VTI1A: variants seen among roughly 807,000 people sequenced by gnomAD.
The protein encoded by VTI1A is vesicle transport through interaction with t-SNAREs homolog 1A.
A neutral mutation model predicts 34.9 loss-of-function variants in VTI1A; 22 were observed. The ratio of observed to expected loss-of-function variants is 0.63; its 90% confidence interval spans 0.45 to 0.90. VTI1A has a LOEUF of 0.90. Ranked by LOEUF, VTI1A falls within the 40% of genes least tolerant of loss-of-function variation. VTI1A has a pLI of 0.00. For synonymous variants in VTI1A, 87 were observed against 97.3 expected (o/e 0.89, Z 0.62); for missense variants, 268 against 275.6 (o/e 0.97, Z 0.20).
At chr10:112,835,835 G>T in the VTI1A span, among the ~76,000 whole-genome samples, 59 of 152,216 alleles carry the variant, frequency 3.9e-4, no homozygotes, top group African/African-American at 1.4e-3. Flanking sequence ...ATATATTGGG[G>T]TAGGGGGGGC....
the VTI1A span, among the ~76,000 whole-genome samples, chr10:112,850,090 G>GT: frequency 6.6e-5 from 10 of 152,200 alleles, no homozygotes; most frequent in African/African-American, 2.4e-4. Context: ...TTTATAAAGA[G>GT]TTGGGAGGGT....
chr10:112,464,151 A>G (rs540545998), intron 2 of VTI1A, among the ~76,000 whole-genome samples: 1 of 152,296 alleles, frequency 6.6e-6, no homozygotes, highest in South Asian at 2.1e-4. Context: ...GGTGCCCACC[A>G]CCACGCCCAG....
At chr10:112,831,951 C>T in the VTI1A span, 2 of 152,192 alleles carry the variant, frequency 1.3e-5, no homozygotes, top group Admixed American at 1.3e-4. Flanking sequence ...GAGGTTTCGG[C>T]CGCTGTACAC....
intron 7 of VTI1A, among the ~76,000 whole-genome samples, chr10:112,751,072 G>C (rs1264344157): frequency 1.3e-5 from 2 of 152,002 alleles, no homozygotes; most frequent in African/African-American, 4.8e-5. Flanking sequence ...CCTGGATTTG[G>C]GTTGTTTTCC....
intron 3 of VTI1A, among the ~76,000 whole-genome samples, chr10:112,510,885 A>G (rs1373408356): frequency 6.6e-6 from 1 of 152,232 alleles, no homozygotes; most frequent in Non-Finnish European, 1.5e-5. Flanking sequence ...AAAAAGGAAA[A>G]CACCATCATA....
At chr10:112,495,637 A>G (rs537476660) in intron 3 of VTI1A, among the ~76,000 whole-genome samples, 1 of 152,222 alleles carries the variant, frequency 6.6e-6, no homozygotes, top group African/African-American at 2.4e-5. Context: ...GAAGAGAGTT[A>G]AATATCAAGT....
At chr10:112,748,973 C>A (rs1201111900) in intron 7 of VTI1A, among the ~76,000 whole-genome samples, 4 of 152,110 alleles carry the variant, frequency 2.6e-5, no homozygotes, top group Non-Finnish European at 4.4e-5. Flanking sequence ...CTTATCAAAA[C>A]CTTGGAGTTA....
intron 7 of VTI1A, among the ~76,000 whole-genome samples, chr10:112,698,589 A>T (rs1305359453): frequency 6.6e-6 from 1 of 152,204 alleles, no homozygotes; most frequent in African/African-American, 2.4e-5. Flanking sequence ...TAAGCCCCCA[A>T]ATGAGAAACA....
intron 7 of VTI1A, among the ~76,000 whole-genome samples, chr10:112,762,479 A>G (rs553710493): frequency 1.3e-5 from 2 of 152,332 alleles, no homozygotes; most frequent in East Asian, 3.9e-4. Context: ...TTGGCCCTAT[A>G]TTAGAAACGG....
chr10:112,605,614 G>T (rs1409234788), intron 5 of VTI1A, among the ~76,000 whole-genome samples: 1 of 152,166 alleles, frequency 6.6e-6, no homozygotes, highest in Non-Finnish European at 1.5e-5. Flanking sequence ...GAAATGCCTT[G>T]TGTAAGACAG....
At chr10:112,505,349 C>T (rs938979636) in intron 3 of VTI1A, among the ~76,000 whole-genome samples, 3 of 152,056 alleles carry the variant, frequency 2.0e-5, no homozygotes, top group African/African-American at 7.2e-5. Flanking sequence ...TAGCATGCTA[C>T]CGTATTAAAT....
At chr10:112,661,659 A>T (rs1847455744) in intron 5 of VTI1A, among the ~76,000 whole-genome samples, 2 of 151,480 alleles carry the variant, frequency 1.3e-5, no homozygotes, top group East Asian at 3.9e-4. Flanking sequence ...TTCTTTTAGC[A>T]CCTTGGAAAG....
At chr10:112,761,103 C>G (rs1391531079) in intron 7 of VTI1A, among the ~76,000 whole-genome samples, 1 of 152,128 alleles carries the variant, frequency 6.6e-6, no homozygotes, top group African/African-American at 2.4e-5. Flanking sequence ...ACCTCTTACT[C>G]AGGCTCATGC....
rs527903455 is a variant in VTI1A, at chr10:112,485,736, C to T, written c.264+21079C>T. 3.3e-5 allele frequency among the ~76,000 whole-genome samples: 5 copies of T among 152,258 alleles called. No individual in the cohort carries two copies. The South Asian group carries it at 1.0e-3, about 32-fold the overall frequency. ...ATGTCAACCTCACAATTTAACCTTT[C>T]TGTGTAGAGAAAAGATGTTAGTTTT... On this transcript the variant is annotated intron_variant, in intron 3 of 7. Coordinates refer to ENST00000393077, the MANE Select transcript of VTI1A (RefSeq NM_145206.4).
intron 1 of VTI1A, chr10:112,448,458 T>G (rs535309616): frequency 6.6e-6 from 1 of 152,360 alleles, no homozygotes; most frequent in East Asian, 1.9e-4. Flanking sequence ...CGTTTACTTA[T>G]TAGGGGCTCA....
chr10:112,847,146 G>A, the VTI1A span, among the ~76,000 whole-genome samples: 2 of 152,202 alleles, frequency 1.3e-5, no homozygotes, highest in Admixed American at 1.3e-4. Flanking sequence ...GATGACAGGA[G>A]CTTATTTCCT....
At chr10:112,709,682 C>CTTTTT in intron 7 of VTI1A, among the ~76,000 whole-genome samples, 1 of 70,256 alleles carries the variant, frequency 1.4e-5, no homozygotes, top group Non-Finnish European at 2.6e-5. Flanking sequence ...CTCTATGTGG[C>CTTTTT]TTTTTTTTTT....
intron 7 of VTI1A, among the ~76,000 whole-genome samples, chr10:112,790,563 T>G (rs1256819652): frequency 6.6e-6 from 1 of 152,166 alleles, no homozygotes; most frequent in Non-Finnish European, 1.5e-5. Context: ...TTGACAATGC[T>G]GCTAGGCCTG....
intron 7 of VTI1A, among the ~76,000 whole-genome samples, chr10:112,722,771 T>A (rs1276752092): frequency 6.6e-6 from 1 of 151,714 alleles, no homozygotes; most frequent in Non-Finnish European, 1.5e-5. Flanking sequence ...TACTGGTGGG[T>A]TCCCAGTATC....
Sources: gnomAD v4.1 joint callset for allele counts (sites outside exome capture counted in the v4.1 genomes callset) on GRCh38, gnomAD v4.1.1 for gene constraint, MANE v1.5 for transcripts, NCBI Gene and HGNC (gene_info 2026-07-23, HGNC 2026-07-21) for gene names.